Variants in OLFM3 observed in about 807,000 individuals in gnomAD.
The protein encoded by OLFM3 is noelin-3.
In OLFM3, 20 loss-of-function variants were observed where a neutral mutation model predicts 48.6. The ratio of observed to expected loss-of-function variants is 0.41; its 90% CI spans 0.29 to 0.60. OLFM3 has a LOEUF of 0.60. Ranked by LOEUF, OLFM3 falls within the 20% of genes least tolerant of loss-of-function variation. The pLI, the probability that OLFM3 is intolerant of heterozygous loss-of-function variation, is 0.28. For synonymous variants in OLFM3, 222 were observed against 198.1 expected (o/e 1.12, Z -1.01); for missense variants, 437 against 544.3 (o/e 0.80, Z 1.96).
chr1:101,898,866 C>A (rs543226816), intron 1 of OLFM3, among the ~76,000 whole-genome samples: 14 of 151,298 alleles, frequency 9.3e-5, no homozygotes, highest in Middle Eastern at 3.4e-3. Flanking sequence ...AACAAACAAA[C>A]AAAAAAAACA....
At chr1:101,989,770 G>T (rs1347780158) in intron 1 of OLFM3, among the ~76,000 whole-genome samples, 2 of 152,144 alleles carry the variant, frequency 1.3e-5, no homozygotes, top group South Asian at 2.1e-4. Context: ...AGAGCAAGAA[G>T]ATCAATATAA....
At chr1:101,859,415 A>G (rs1305621797) in intron 1 of OLFM3, among the ~76,000 whole-genome samples, 1 of 152,102 alleles carries the variant, frequency 6.6e-6, no homozygotes, top group Non-Finnish European at 1.5e-5. Context: ...AGAATAAGAC[A>G]TGGGCTAGGC....
At chr1:101,992,355 T>A (rs1661436110) in intron 1 of OLFM3, among the ~76,000 whole-genome samples, 1 of 152,110 alleles carries the variant, frequency 6.6e-6, no homozygotes, top group Admixed American at 6.5e-5. Context: ...TTTAATTAGG[T>A]TAAGGAAGAT....
rs955856749 is a variant in OLFM3, at chr1:101,892,859, C to A, written c.70-55834G>T. Among the ~76,000 whole-genome samples the A allele has an allele frequency of 9.9e-5, 15 of 152,222 alleles. No homozygotes were observed. The East Asian group carries it at 2.9e-3, about 29-fold the overall frequency. On this transcript the variant is annotated intron_variant, in intron 1 of 5. Transcript: ENST00000370103. ...TAAACAAGTGTTTGTCCTCTCTATT[C>A]AACCTTTACCTATTCAAGGAACAAA... is the stretch of plus-strand genomic sequence containing the variant.
intron 1 of OLFM3, among the ~76,000 whole-genome samples, chr1:101,919,003 C>A (rs969915831): frequency 3.9e-5 from 6 of 152,102 alleles, no homozygotes; most frequent in Admixed American, 2.0e-4. Flanking sequence ...TAGATTAAGT[C>A]TTAGTGAATA....
intron 1 of OLFM3, among the ~76,000 whole-genome samples, chr1:101,875,603 T>C (rs1657267609): frequency 6.6e-6 from 1 of 151,894 alleles, no homozygotes; most frequent in Non-Finnish European, 1.5e-5. Context: ...ATGAGTTAAA[T>C]AGAAAATAAA....
chr1:101,817,936 G>A (rs1471241463), intron 4 of OLFM3, among the ~76,000 whole-genome samples: 3 of 152,004 alleles, frequency 2.0e-5, no homozygotes, highest in Non-Finnish European at 4.4e-5. Flanking sequence ...GTGAGGTAAA[G>A]GTAGGGATAA....
intron 1 of OLFM3, among the ~76,000 whole-genome samples, chr1:101,973,600 A>G (rs1660869645): frequency 6.6e-6 from 1 of 152,220 alleles, no homozygotes. Context: ...AGAAAAGCCA[A>G]TTCTGCCTGG....
chr1:101,967,645 C>G (rs1054637343), intron 1 of OLFM3, among the ~76,000 whole-genome samples: 1 of 135,234 alleles, frequency 7.4e-6, no homozygotes, highest in Non-Finnish European at 1.6e-5. Flanking sequence ...GGAATGAACA[C>G]CAATCATTTT....
At chr1:101,882,183 TA>T (rs1657555162) in intron 1 of OLFM3, among the ~76,000 whole-genome samples, 1 of 151,270 alleles carries the variant, frequency 6.6e-6, no homozygotes, top group South Asian at 2.1e-4. Context: ...AAATGAAGAT[TA>T]ATGGTGTTTT....
intron 1 of OLFM3, among the ~76,000 whole-genome samples, chr1:101,894,815 C>T (rs1260004515): frequency 6.6e-6 from 1 of 152,026 alleles, no homozygotes; most frequent in Non-Finnish European, 1.5e-5. Context: ...CATCTTTACA[C>T]AAATTATATA....
Position 101,873,045 on chromosome 1 carries a change from T to C in OLFM3, c.70-36020A>G, listed in dbSNP as rs1447925319. Reference sequence around the variant, plus strand: ...AAATTTTGAGAATATACAACTTACATTTTCACAAACTAAGTGAATTGCTAA... The same window carrying C: ...AAATTTTGAGAATATACAACTTACACTTTCACAAACTAAGTGAATTGCTAA... On this transcript the variant is annotated intron_variant, in intron 1 of 5. Transcript: ENST00000370103. 2.0e-5 allele frequency among the ~76,000 whole-genome samples: 3 copies of C among 151,968 alleles called. No homozygotes were observed. In the East Asian group the frequency reaches 5.8e-4, roughly 29 times the overall value.
At chr1:101,890,401 G>T (rs999373734) in intron 1 of OLFM3, among the ~76,000 whole-genome samples, 9 of 151,710 alleles carry the variant, frequency 5.9e-5, no homozygotes, top group African/African-American at 1.9e-4. Flanking sequence ...AAACAATCTA[G>T]AAGAAAACTA....
At chr1:101,891,364 C>A (rs1019317997) in intron 1 of OLFM3, among the ~76,000 whole-genome samples, 1 of 151,760 alleles carries the variant, frequency 6.6e-6, no homozygotes, top group African/African-American at 2.4e-5. Flanking sequence ...CGTACTTTGT[C>A]AAGTATTCCA....
At chr1:101,943,253 AG>A (rs1164871768) in intron 1 of OLFM3, among the ~76,000 whole-genome samples, 1 of 152,210 alleles carries the variant, frequency 6.6e-6, no homozygotes, top group Non-Finnish European at 1.5e-5. Context: ...ATTAGAGATG[AG>A]GGTTTCTTGA....
chr1:101,841,250 G>A (rs1655706124), intron 1 of OLFM3, among the ~76,000 whole-genome samples: 1 of 152,078 alleles, frequency 6.6e-6, no homozygotes, highest in Non-Finnish European at 1.5e-5. Flanking sequence ...TATTGTTTTA[G>A]TCTCACTTTT....
intron 1 of OLFM3, among the ~76,000 whole-genome samples, chr1:101,978,679 C>T (rs1002301678): frequency 6.6e-6 from 1 of 152,090 alleles, no homozygotes; most frequent in Non-Finnish European, 1.5e-5. Context: ...TCTTTTACAC[C>T]AAACATATAT....
intron 4 of OLFM3, among the ~76,000 whole-genome samples, chr1:101,809,157 G>T (rs1266734839): frequency 6.7e-6 from 1 of 150,268 alleles, no homozygotes; most frequent in East Asian, 2.0e-4. Flanking sequence ...AAAGAGGGGA[G>T]AAAATTATCA....
intron 1 of OLFM3, among the ~76,000 whole-genome samples, chr1:101,978,088 T>C (rs1446568087): frequency 1.3e-5 from 2 of 152,106 alleles, no homozygotes; most frequent in East Asian, 1.9e-4. Flanking sequence ...TTATCTAGCA[T>C]TTACTAAATG....
Sources: gnomAD v4.1 joint callset for allele counts (sites outside exome capture counted in the v4.1 genomes callset) on GRCh38, gnomAD v4.1.1 for gene constraint, MANE v1.5 for transcripts, NCBI Gene and HGNC (gene_info 2026-07-23, HGNC 2026-07-21) for gene names.